The following ADGRB3 variants were observed in gnomAD, a reference collection of about 807,000 sequenced individuals.
ADGRB3 encodes the protein brain-specific angiogenesis inhibitor 3.
ADGRB3 carries 37 observed loss-of-function variants against 193.4 expected under a neutral mutation model. The observed-to-expected ratio is 0.19, with a 90% CI of 0.15 to 0.25. The LOEUF (loss-of-function observed/expected upper bound fraction) is 0.25, where lower values mean the gene tolerates loss of function less well. Ranked by LOEUF, ADGRB3 falls within the 10% of genes least tolerant of loss-of-function variation. ADGRB3 has a pLI of 1.00. For missense variants in ADGRB3, 1,637 were observed against 1,852.9 expected, an observed-to-expected ratio of 0.88 and a Z score of 2.14; for synonymous variants, 690 against 644.2, an observed-to-expected ratio of 1.07 and a Z score of -1.08.
chr6:68,979,143 G>GT (rs35686189), intron 10 of ADGRB3, among the ~76,000 whole-genome samples: 84,549 of 150,686 alleles, frequency 0.56, 25,084 homozygotes, highest in East Asian at 0.69. Flanking sequence ...CATTGCTATA[G>GT]TCCTAACATA....
intron 3 of ADGRB3, among the ~76,000 whole-genome samples, chr6:68,778,394 A>G: frequency 6.6e-6 from 1 of 152,136 alleles, no homozygotes; most frequent in East Asian, 1.9e-4. Context: ...TCTACCAGCA[A>G]TGTATTGTCA....
rs1562128753 is a variant in ADGRB3 at position 69,031,023 on chromosome 6, TTTCC to T, written c.2107+12526_2107+12529del. ...TTCCTTTCTTTTCTTTTCTTTTTTTTTTCCTCTTCTCTTCTCTCTTCTCTTCTCT... is the reference window on the plus strand; with the variant it reads ...TTCCTTTCTTTTCTTTTCTTTTTTTTTCTTCTCTTCTCTCTTCTCTTCTCT... On this transcript the variant is annotated intron_variant, in intron 13 of 31. Coordinates refer to ENST00000370598, the MANE Select transcript of ADGRB3 (RefSeq NM_001704.3). Among the ~76,000 whole-genome samples the T allele has an allele frequency of 3.6e-3, 346 of 96,122 alleles. 17 individuals carry two copies. Among genetic ancestry groups the T allele is most frequent in the Non-Finnish European group, 5.1e-3 (228 of 44,992 alleles). 63.1% of individuals were successfully genotyped at this position (96,122 alleles called of 152,430 possible).
At chr6:68,844,325 GA>G (rs1208206073) in intron 3 of ADGRB3, among the ~76,000 whole-genome samples, 1 of 151,310 alleles carries the variant, frequency 6.6e-6, no homozygotes. Context: ...AACTCTATAA[GA>G]AAAAAAATCC....
At chr6:69,096,121 G>C (rs553257999) in intron 17 of ADGRB3, among the ~76,000 whole-genome samples, 8 of 152,192 alleles carry the variant, frequency 5.3e-5, no homozygotes, top group African/African-American at 1.9e-4. Context: ...AAATAATTCA[G>C]TTGAAGTGTT....
chr6:68,798,582 A>C (rs1361001602), intron 3 of ADGRB3, among the ~76,000 whole-genome samples: 2 of 152,278 alleles, frequency 1.3e-5, no homozygotes, highest in African/African-American at 4.8e-5. Flanking sequence ...TACCTAATGT[A>C]GGTGACAGGT....
chr6:68,705,109 A>G (rs1184614102), intron 3 of ADGRB3, among the ~76,000 whole-genome samples: 1 of 152,172 alleles, frequency 6.6e-6, no homozygotes, highest in Non-Finnish European at 1.5e-5. Flanking sequence ...TCCAGCTACT[A>G]TTTATTATTA....
chr6:69,139,307 A>G (rs1774244503), intron 17 of ADGRB3, among the ~76,000 whole-genome samples: 2 of 152,172 alleles, frequency 1.3e-5, no homozygotes, highest in Non-Finnish European at 2.9e-5. Flanking sequence ...ATGCCAATAA[A>G]TGCCTGTGTG....
At chr6:68,947,026 A>T (rs1767791840) in intron 6 of ADGRB3, among the ~76,000 whole-genome samples, 1 of 152,094 alleles carries the variant, frequency 6.6e-6, no homozygotes. Flanking sequence ...GGAGGAAGGA[A>T]AATGAAGGTA....
At chr6:69,213,345 T>A (rs1765707980) in intron 17 of ADGRB3, among the ~76,000 whole-genome samples, 1 of 152,162 alleles carries the variant, frequency 6.6e-6, no homozygotes, top group South Asian at 2.1e-4. Flanking sequence ...GTTCCAAAAA[T>A]CACAAATGTA....
In ADGRB3 at chr6:69,181,453, C is replaced by T. The variant is rs142750819; in HGVS notation, c.2481-51837C>T. Among the ~76,000 whole-genome samples the T allele has an allele frequency of 2.7e-4, 41 of 151,908 alleles. 1 individual carries two copies. Among genetic ancestry groups the T allele is most frequent in the African/African-American group, 6.0e-4 (25 of 41,420 alleles). The stretch of plus-strand genomic sequence containing the variant: ...TTCATTTTTAAAACCTATAAATGCA[C>T]GATATATGCATTATAAAAACATCTG... On this transcript the variant is annotated intron_variant, in intron 17 of 31. Transcript: ENST00000370598.
intron 13 of ADGRB3, among the ~76,000 whole-genome samples, chr6:69,041,884 G>A (rs1771082030): frequency 6.6e-6 from 1 of 152,186 alleles, no homozygotes; most frequent in Non-Finnish European, 1.5e-5. Flanking sequence ...GAGCCACCAT[G>A]CCTGGCCATG....
At chr6:68,730,142 A>T (rs1765745345) in intron 3 of ADGRB3, among the ~76,000 whole-genome samples, 1 of 151,692 alleles carries the variant, frequency 6.6e-6, no homozygotes, top group African/African-American at 2.4e-5. Context: ...ACTTAATCAG[A>T]TGAATACTTA....
chr6:69,235,341 T>C (rs990742637), intron 19 of ADGRB3, among the ~76,000 whole-genome samples: 3 of 152,040 alleles, frequency 2.0e-5, no homozygotes, highest in African/African-American at 7.2e-5. Flanking sequence ...GTTAAGAAAA[T>C]AAACAGTACA....
intron 29 of ADGRB3, among the ~76,000 whole-genome samples, chr6:69,365,155 A>T (rs567891059): frequency 2.6e-5 from 4 of 151,690 alleles, no homozygotes; most frequent in Admixed American, 2.0e-4. Flanking sequence ...TCCATTCTTC[A>T]CTCTTTTCCC....
chr6:68,674,748 C>T (rs1019395227), intron 3 of ADGRB3, among the ~76,000 whole-genome samples: 1 of 152,152 alleles, frequency 6.6e-6, no homozygotes, highest in African/African-American at 2.4e-5. Flanking sequence ...AAGAAGAGAA[C>T]GGCATTCATT....
chr6:69,252,571 A>G (rs1197633328), intron 20 of ADGRB3, among the ~76,000 whole-genome samples: 7 of 152,110 alleles, frequency 4.6e-5, no homozygotes, highest in Non-Finnish European at 5.9e-5. Flanking sequence ...ATTCTTGGCA[A>G]CATTTTAATT....
chr6:69,068,109 G>A (rs1435248874), intron 16 of ADGRB3, among the ~76,000 whole-genome samples: 1 of 152,122 alleles, frequency 6.6e-6, no homozygotes, highest in Non-Finnish European at 1.5e-5. Flanking sequence ...ACAGATGGCA[G>A]GTCAGATTTG....
rs896412624 is a variant in ADGRB3 at position 69,330,437 on chromosome 6, T to G, written c.3036-69T>G. On this transcript the variant is annotated intron_variant, in intron 22 of 31. Coordinates refer to ENST00000370598, the MANE Select transcript of ADGRB3 (RefSeq NM_001704.3). Reference sequence around the variant, plus strand: ...GGCAAAATGTATAATCTAAGTTGTTTGTATCACACGTTAGTGGTCTAATAC... The same window carrying G: ...GGCAAAATGTATAATCTAAGTTGTTGGTATCACACGTTAGTGGTCTAATAC... The G allele has an allele frequency of 2.5e-6, 3 of 1,199,560 alleles. No individual in the cohort carries two copies. The South Asian group carries it at 5.0e-5, about 20-fold the overall frequency. 74.3% of individuals were successfully genotyped at this position (1,199,560 alleles called of 1,614,324 possible). A position where few individuals can be genotyped will look rare whatever the true frequency, so the allele number is the denominator to read the frequency against.
intron 3 of ADGRB3, among the ~76,000 whole-genome samples, chr6:68,648,440 A>T (rs375961665): frequency 6.6e-6 from 1 of 151,230 alleles, no homozygotes; most frequent in Non-Finnish European, 1.5e-5. Flanking sequence ...TCTACTAAAA[A>T]ACAAGTTTAT....
Sources: allele counts gnomAD v4.1 joint callset (sites outside exome capture counted in the v4.1 genomes callset), GRCh38; gene constraint gnomAD v4.1.1; transcripts MANE v1.5; gene names NCBI Gene and HGNC (gene_info 2026-07-23, HGNC 2026-07-21).